Variants in ODF2L observed in about 807,000 individuals in gnomAD.
The protein encoded by ODF2L is outer dense fiber of sperm tails 2 like.
Under a neutral mutation model 86.3 loss-of-function variants are expected in ODF2L, and 76 were observed. That is an observed-to-expected ratio of 0.88 (90% CI 0.73 to 1.07). ODF2L has a LOEUF of 1.07. ODF2L is among the 50% of genes least tolerant of loss of function. ODF2L has a pLI of 0.00. For missense variants in ODF2L, 748 were observed against 717.4 expected, an observed-to-expected ratio of 1.04 and a Z score of -0.49; for synonymous variants, 241 against 231.3, an observed-to-expected ratio of 1.04 and a Z score of -0.38.
At chr1:86,390,204 T>C (rs1661221998) in intron 1 of ODF2L, among the ~76,000 whole-genome samples, 2 of 152,142 alleles carry the variant, frequency 1.3e-5, no homozygotes, top group African/African-American at 4.8e-5. Context: ...GGGTGGATCG[T>C]GAGGTCAGGA....
chr1:86,391,027 C>T (rs1413719032), intron 1 of ODF2L, among the ~76,000 whole-genome samples: 2 of 152,182 alleles, frequency 1.3e-5, no homozygotes, highest in Non-Finnish European at 2.9e-5. Context: ...GTGCTATACA[C>T]CAACAGTGAC....
chr1:86,391,611 T>C (rs985509921), intron 1 of ODF2L, among the ~76,000 whole-genome samples: 3 of 152,146 alleles, frequency 2.0e-5, no homozygotes, highest in African/African-American at 4.8e-5. Context: ...GCTGGGATAA[T>C]TGGCAAGCCG....
chr1:86,376,420 T>TAAA lies in ODF2L; in HGVS notation c.625-5_625-3dup. On this transcript the variant is annotated splice_region_variant and splice_polypyrimidine_tract_variant and intron_variant, in intron 7 of 17. Transcript: ENST00000317336. ...CTTGGCTATCTTGGTTTCTAAGCTCTAAAAAAAAAATTAGCAACAATTAAA... is the reference window on the plus strand; with the variant it reads ...CTTGGCTATCTTGGTTTCTAAGCTCTAAAAAAAAAAAAATTAGCAACAATTAAA... The TAAA allele has an allele frequency of 2.1e-6, 3 of 1,416,388 alleles. No homozygotes were observed. The highest frequency in any genetic ancestry group is 1.5e-5 in the African/African-American group (1 of 68,728). 87.7% of individuals were successfully genotyped at this position (1,416,388 alleles called of 1,614,324 possible).
chr1:86,352,175 A>G (rs1369030798), exon 18 of ODF2L: 3 of 1,522,118 alleles, frequency 2.0e-6, no homozygotes, highest in Middle Eastern at 3.4e-4. Flanking sequence ...ACACTTGGGA[A>G]TTAAAAAAAT....
At chr1:86,356,652 A>C (rs369581579) in intron 13 of ODF2L, 50 bp from the exon 13 acceptor site, 140 of 1,515,384 alleles carry the variant, frequency 9.2e-5, no homozygotes, top group Middle Eastern at 5.2e-4. Context: ...ATTCAGCATT[A>C]ATATTTTTAT....
intron 7 of ODF2L, chr1:86,382,029 T>G (rs1660623589): frequency 2.2e-6 from 1 of 447,748 alleles, no homozygotes; most frequent in African/African-American, 2.0e-5. Flanking sequence ...CCTTCCTAGA[T>G]TGGTATTAAA....
rs757739055 is a variant in ODF2L, at chr1:86,390,347, G to A, written c.-59-3261C>T. Among the ~76,000 whole-genome samples, 4 of 152,276 alleles carry A rather than the reference G, an allele frequency of 2.6e-5. No individual in the cohort carries two copies. The East Asian group carries it at 5.8e-4, about 22-fold the overall frequency. ...GAGGCAGAGAATTGCTTGAACCCAG[G>A]AGGCGGAGGTTGCAGTGAGCCACGA... is the stretch of plus-strand genomic sequence containing the variant. On this transcript the variant is annotated intron_variant, in intron 1 of 17. Coordinates refer to ENST00000317336, the Ensembl canonical transcript of ODF2L.
At chr1:86,395,933 C>G (rs984700927) in intron 1 of ODF2L, 100 bp downstream of exon 1, 3 of 152,288 alleles carry the variant, frequency 2.0e-5, no homozygotes, top group African/African-American at 7.2e-5. Context: ...CGGGACCCAC[C>G]ACTGCCCTCA....
At chr1:86,390,625 T>G (rs976577052) in intron 1 of ODF2L, among the ~76,000 whole-genome samples, 2 of 151,930 alleles carry the variant, frequency 1.3e-5, no homozygotes, top group African/African-American at 4.8e-5. Flanking sequence ...TTTGACAAAA[T>G]CCAGCATCGC....
At chr1:86,355,070 GA>G in intron 14 of ODF2L, 1 of 541,332 alleles carries the variant, frequency 1.8e-6, no homozygotes. Flanking sequence ...GCCTGTATTG[GA>G]AAATAACCAA....
intron 7 of ODF2L, among the ~76,000 whole-genome samples, chr1:86,379,882 T>A (rs1660444621): frequency 6.6e-6 from 1 of 152,174 alleles, no homozygotes; most frequent in African/African-American, 2.4e-5. Flanking sequence ...CATGACTATC[T>A]CTTTGGCATA....
rs1441117561 is a variant in ODF2L, at chr1:86,377,165, G to A, written c.625-747C>T. On this transcript the variant is annotated intron_variant, in intron 7 of 17. Coordinates refer to ENST00000317336, the Ensembl canonical transcript of ODF2L. ...AAAAAAAGGGGGCTACAGGACCCAT[G>A]CAAGTCCAAAATCCAGCAGGGCAGT... 3.3e-5 allele frequency among the ~76,000 whole-genome samples: 5 copies of A among 152,318 alleles called. No homozygotes were observed. The East Asian group carries it at 7.7e-4, about 24-fold the overall frequency.
At chr1:86,385,029 T>C (rs1660849775) in intron 3 of ODF2L, among the ~76,000 whole-genome samples, 1 of 151,962 alleles carries the variant, frequency 6.6e-6, no homozygotes, top group African/African-American at 2.4e-5. Flanking sequence ...CATTTTAGGC[T>C]TTTATTCAAA....
chr1:86,380,354 A>G (rs992545343), intron 7 of ODF2L, among the ~76,000 whole-genome samples: 17 of 152,294 alleles, frequency 1.1e-4, no homozygotes, highest in African/African-American at 4.1e-4. Flanking sequence ...AAAAAACAAA[A>G]TCCCATAAAA....
rs540447679 is a variant in ODF2L, at chr1:86,360,552, T to C, written c.1144-16A>G. On this transcript the variant is annotated splice_polypyrimidine_tract_variant and intron_variant, in intron 11 of 17. Coordinates refer to ENST00000317336, the Ensembl canonical transcript of ODF2L. ...CAAGTGTAGTCTAGCAAAAAAGATA[T>C]AGATTTTATAAGTCATTAGAATACA... 14 of 1,210,724 alleles carry C rather than the reference T, an allele frequency of 1.2e-5. No individual in the cohort carries two copies. The highest frequency in any genetic ancestry group is 1.9e-5 in the Admixed American group (1 of 51,526). The allele number at this position is 1,210,724 out of a possible 1,614,324, so 75.0% of individuals were successfully genotyped here.
At chr1:86,374,252 G>A (rs1323149199) in intron 8 of ODF2L, among the ~76,000 whole-genome samples, 2 of 151,900 alleles carry the variant, frequency 1.3e-5, no homozygotes, top group African/African-American at 4.8e-5. Flanking sequence ...TTCATATTTT[G>A]TATAAAATAA....
At chr1:86,383,955 G>A (rs367653351) in intron 4 of ODF2L, among the ~76,000 whole-genome samples, 221 of 151,772 alleles carry the variant, frequency 1.5e-3, no homozygotes, top group African/African-American at 4.8e-3. Context: ...ATATGCACAC[G>A]TAACATATAT....
chr1:86,349,890 C>T (rs1050645872), downstream of ODF2L: 3 of 152,998 alleles, frequency 2.0e-5, no homozygotes, highest in African/African-American at 7.3e-5. Flanking sequence ...TGGGAGACAC[C>T]AGGGATACAG....
intron 7 of ODF2L, among the ~76,000 whole-genome samples, chr1:86,380,864 G>A (rs35303211): frequency 0.038 from 5,798 of 151,192 alleles, 179 homozygotes; most frequent in African/African-American, 0.08. Context: ...GGTTTATAAT[G>A]TAAATTTTTA....
Sources: allele counts gnomAD v4.1 joint callset (sites outside exome capture counted in the v4.1 genomes callset), GRCh38; gene constraint gnomAD v4.1.1; transcripts MANE v1.5; gene names NCBI Gene and HGNC (gene_info 2026-07-23, HGNC 2026-07-21).